Variants in NUAK2 observed in about 807,000 individuals in gnomAD.
The protein encoded by NUAK2 is NUAK family kinase 2.
NUAK2 carries 20 observed loss-of-function variants against 29.8 expected under a neutral mutation model. The observed-to-expected ratio is 0.67, with a 90% CI of 0.47 to 0.98. The LOEUF (loss-of-function observed/expected upper bound fraction) is 0.98. Ranked by LOEUF, NUAK2 falls within the 50% of genes least tolerant of loss-of-function variation. The pLI is 0.00. For missense variants in NUAK2, 719 were observed against 834.5 expected, an observed-to-expected ratio of 0.86 and a Z score of 1.71; for synonymous variants, 331 against 342.6, an observed-to-expected ratio of 0.97 and a Z score of 0.37.
rs765029026 is a variant in NUAK2, at chr1:205,304,584, G to C, written c.824-71C>G. The C allele has an allele frequency of 7.8e-7, 1 of 1,279,988 alleles. No individual in the cohort carries two copies. Among genetic ancestry groups the C allele is most frequent in the Non-Finnish European group, 1.1e-6 (1 of 944,172 alleles). The allele number at this position is 1,279,988 out of a possible 1,614,324, so 79.3% of individuals were successfully genotyped here. On this transcript the variant is annotated intron_variant, in intron 6 of 6. Transcript: ENST00000367157. The surrounding 1 kb of genome is among the most constrained non-coding windows in gnomAD (Gnocchi z 6.5). Reference sequence around the variant, plus strand: ...AGGCACTCCCTGTCCCCTGTCCCCAGCTCATCCCCTTTTGAGCTATGACAC... The same window carrying C: ...AGGCACTCCCTGTCCCCTGTCCCCACCTCATCCCCTTTTGAGCTATGACAC...
chr1:205,315,445 G>A (rs979376839), intron 1 of NUAK2, among the ~76,000 whole-genome samples: 1 of 152,196 alleles, frequency 6.6e-6, no homozygotes, highest in African/African-American at 2.4e-5. Flanking sequence ...ACTGAGATGG[G>A]AGCAGTGCTC....
In NUAK2 at chr1:205,308,170, T is replaced by C. The variant is rs150528650; in HGVS notation, c.565A>G (p.Ile189Val). The C allele has an allele frequency of 5.6e-6, 9 of 1,602,546 alleles. No homozygotes were observed. Among genetic ancestry groups the C allele is most frequent in the Non-Finnish European group, 7.7e-6 (9 of 1,172,736 alleles). Residue 189 changes from isoleucine (I) to valine (V), a missense_variant, in exon 4 of 7, where the codon ATC becomes GTC. By Grantham distance (29) the Ile-to-Val change is conservative (BLOSUM62 3). This residue lies in a region of NUAK2 where 283 missense variants were observed against 345.6 expected (regional missense o/e 0.82). Transcript: ENST00000367157. The surrounding 1 kb of genome is among the most constrained non-coding windows in gnomAD (Gnocchi z 4.1). ...ENILLDANGN[I>V]KIADFGLSNL... ...AAATAAGAAGTGGGACTCACCTTGATATTCCCATTGGCATCCAAGAGGATG... is the reference window on the plus strand; with the variant it reads ...AAATAAGAAGTGGGACTCACCTTGACATTCCCATTGGCATCCAAGAGGATG...
chr1:205,315,817 G>A (rs1423104486), intron 1 of NUAK2, among the ~76,000 whole-genome samples: 1 of 152,004 alleles, frequency 6.6e-6, no homozygotes, highest in Non-Finnish European at 1.5e-5. Context: ...AAGTTGCAGT[G>A]AGCTGAGATT....
At chr1:205,314,079 G>C (rs1186031974) in intron 1 of NUAK2, among the ~76,000 whole-genome samples, 2 of 152,224 alleles carry the variant, frequency 1.3e-5, no homozygotes, top group Non-Finnish European at 2.9e-5. Context: ...GCTTGCAGGG[G>C]CAGCAGGCCC....
At chr1:205,315,139 G>A (rs1662309046) in intron 1 of NUAK2, among the ~76,000 whole-genome samples, 1 of 152,176 alleles carries the variant, frequency 6.6e-6, no homozygotes, top group South Asian at 2.1e-4. Flanking sequence ...AGTACGGCTG[G>A]CACTTTCCAG....
intron 1 of NUAK2, among the ~76,000 whole-genome samples, chr1:205,319,924 T>TACACACACACAC (rs377521023): frequency 8.9e-5 from 7 of 78,502 alleles, no homozygotes; most frequent in African/African-American, 3.2e-4. Context: ...GGGCAAACCA[T>TACACACACACAC]ACACACACAC....
chr1:205,308,624 T>C lies in NUAK2; in HGVS notation c.461A>G (p.His154Arg), dbSNP rs769248027. Residue 154 changes from histidine (H) to arginine (R), a missense_variant, in exon 3 of 7, where the codon CAT (histidine) becomes CGT (arginine). His to Arg is a conservative substitution (Grantham distance 29, BLOSUM62 0). Transcript: ENST00000367157. The surrounding 1 kb of genome is among the most constrained non-coding windows in gnomAD (Gnocchi z 4.1). ...GGCAGAGACGATCTGCCGGAAGAAA[T>C]GCCTAGCTTCGCGCTCACTGAGCTG... Reference protein sequence around the residue: ...RQQLSEREARHFFRQIVSAVH... With the variant: ...RQQLSEREARRFFRQIVSAVH... 3 of 1,614,034 alleles carry C rather than the reference T, an allele frequency of 1.9e-6. No homozygotes were observed. The highest frequency in any genetic ancestry group is 2.5e-6 in the Non-Finnish European group (3 of 1,180,004).
chr1:205,305,445 G>A lies in NUAK2; in HGVS notation c.691-114C>T, dbSNP rs921000514. ...GGACGACCCACCTCTCCTACCCAGG[G>A]GCCAAGACGGGGATGCTGCAGAAGG... On this transcript the variant is annotated intron_variant, in intron 5 of 6. Coordinates refer to ENST00000367157, the MANE Select transcript of NUAK2 (RefSeq NM_030952.3). 45 of 1,453,604 alleles carry A rather than the reference G, an allele frequency of 3.1e-5. No homozygotes were observed. The African/African-American group carries it at 5.0e-4, about 16-fold the overall frequency. 90.0% of individuals were successfully genotyped at this position (1,453,604 alleles called of 1,614,324 possible). A position where few individuals can be genotyped will look rare whatever the true frequency, so the allele number is the denominator to read the frequency against.
rs73085118 is a variant in NUAK2 at position 205,309,619 on chromosome 1, C to T, written c.353-887G>A. ...GGGATTACAGGCGTGAGCCACCGCG[C>T]CTGGCCACAGTTATGTTTATAATCA... On this transcript the variant is annotated intron_variant, in intron 2 of 6. Transcript: ENST00000367157. Among the ~76,000 whole-genome samples, 1,333 of 152,338 alleles carry T rather than the reference C, an allele frequency of 8.8e-3. 23 individuals are homozygous for T. The highest frequency in any genetic ancestry group is 0.031 in the African/African-American group (1,280 of 41,568).
In NUAK2 at chr1:205,304,912, G is replaced by A. The variant is rs1478699064; in HGVS notation, c.823+287C>T. On this transcript the variant is annotated intron_variant, in intron 6 of 6. Transcript: ENST00000367157. This position sits in a 1 kb window ranked among gnomAD's most constrained non-coding sequence, Gnocchi z 6.5. The stretch of plus-strand genomic sequence containing the variant: ...AGGACAAAAAGATTTCTGAAGATGA[G>A]AACAAAAGCAATAGGAAATGAGACA... 6.6e-6 allele frequency among the ~76,000 whole-genome samples: 1 copy of A among 152,156 alleles called. No individual in the cohort carries two copies. Among genetic ancestry groups the A allele is most frequent in the African/African-American group, 2.4e-5 (1 of 41,420 alleles).
chr1:205,308,793 G>A lies in NUAK2; in HGVS notation c.353-61C>T. ...CAGAGTGCACTGCTCTCCACTGGGGGTGACTCACTCCTCCCCGACCCCAGG... is the reference window on the plus strand; with the variant it reads ...CAGAGTGCACTGCTCTCCACTGGGGATGACTCACTCCTCCCCGACCCCAGG... On this transcript the variant is annotated intron_variant, in intron 2 of 6. Transcript: ENST00000367157. This position sits in a 1 kb window ranked among gnomAD's most constrained non-coding sequence, Gnocchi z 4.1. 1.9e-6 allele frequency: 3 copies of A among 1,582,914 alleles called. No individual in the cohort carries two copies. The highest frequency in any genetic ancestry group is 1.3e-5 in the African/African-American group (1 of 74,498).
chr1:205,317,552 A>T (rs1662346547), intron 1 of NUAK2, among the ~76,000 whole-genome samples: 3 of 152,190 alleles, frequency 2.0e-5, no homozygotes, highest in Admixed American at 2.0e-4. Flanking sequence ...GGGGAGCCTG[A>T]GCCACCTCCC....
In NUAK2 at chr1:205,308,755, C is replaced by T. The variant is rs2275867; in HGVS notation, c.353-23G>A. 0.028 allele frequency: 45,294 copies of T among 1,610,654 alleles called. 1,206 individuals carry two copies. Among genetic ancestry groups the T allele is most frequent in the East Asian group, 0.1 (4,524 of 44,782 alleles). On this transcript the variant is annotated intron_variant, in intron 2 of 6. Transcript: ENST00000367157. This position sits in a 1 kb window ranked among gnomAD's most constrained non-coding sequence, Gnocchi z 4.1. ...ACACTGGGCAGAGCAAGGCAAGGAA[C>T]GTCAGGCCCTCCCAGAGTGCACTGC...
intron 5 of NUAK2, among the ~76,000 whole-genome samples, chr1:205,305,944 C>T (rs1485931883): frequency 6.6e-6 from 1 of 152,150 alleles, no homozygotes; most frequent in Non-Finnish European, 1.5e-5. Flanking sequence ...GAACTCCTGA[C>T]CTCAAGTGAT....
Position 205,305,276 on chromosome 1 carries a change from G to A in NUAK2, c.746C>T (p.Pro249Leu). The change falls in exon 6 of 7, where the codon CCC (proline) becomes CTC (leucine). Residue 249 changes from proline to leucine, a missense_variant. Pro to Leu is a moderately conservative substitution (Grantham distance 98). Around this residue, in one of 3 missense-constraint regions of NUAK2, gnomAD observed 283 missense variants for 345.6 expected, o/e 0.82. Coordinates refer to ENST00000367157, the MANE Select transcript of NUAK2 (RefSeq NM_030952.3). ...GATCTTATGGTCATGCCCATCAAAGGGCATGGTGCCATGCACCAGGATGTA... is the reference window on the plus strand; with the variant it reads ...GATCTTATGGTCATGCCCATCAAAGAGCATGGTGCCATGCACCAGGATGTA... ...LLYILVHGTMPFDGHDHKILV... is the reference protein window; with the variant it reads ...LLYILVHGTMLFDGHDHKILV... 1 of 1,614,176 alleles carries A rather than the reference G, an allele frequency of 6.2e-7. No homozygotes were observed. The highest frequency in any genetic ancestry group is 8.5e-7 in the Non-Finnish European group (1 of 1,180,000).
chr1:205,308,822 C>T lies in NUAK2; in HGVS notation c.353-90G>A. On this transcript the variant is annotated intron_variant, in intron 2 of 6. Coordinates refer to ENST00000367157, the MANE Select transcript of NUAK2 (RefSeq NM_030952.3). The surrounding 1 kb of genome is among the most constrained non-coding windows in gnomAD (Gnocchi z 4.1). ...CTCACTCCTCCCCGACCCCAGGCCC[C>T]AAACCAGACAGGACCCCCCTCCAGG... 1.4e-6 allele frequency: 2 copies of T among 1,452,884 alleles called. No homozygotes were observed. Among genetic ancestry groups the T allele is most frequent in the South Asian group, 1.2e-5 (1 of 84,144 alleles). The allele number at this position is 1,452,884 out of a possible 1,614,324, so 90.0% of individuals were successfully genotyped here.
Position 205,303,818 on chromosome 1 carries a change from T to C in NUAK2, c.1519A>G (p.Lys507Glu). The C allele has an allele frequency of 6.3e-7, 1 of 1,596,616 alleles. No individual in the cohort carries two copies. The highest frequency in any genetic ancestry group is 2.2e-5 in the East Asian group (1 of 44,712). ...HRKGILKLNG[K>E]FSQTALELAA... ...AGCTCCAAGGCTGTCTGGGAGAACT[T>C]GCCATTGAGTTTGAGGATGCCTTTG... The change falls in exon 7 of 7, where the codon AAG (lysine) becomes GAG (glutamate). Residue 507 changes from lysine to glutamate, a missense_variant. Lys to Glu is a moderately conservative substitution (Grantham distance 56, BLOSUM62 1). Transcript: ENST00000367157.
At position 205,308,548 on chromosome 1, in the gene NUAK2, C is replaced by T. The variant is rs745398262; in HGVS notation, c.504+33G>A. 6.2e-7 allele frequency: 1 copy of T among 1,601,418 alleles called. No individual in the cohort carries two copies. Among genetic ancestry groups the T allele is most frequent in the African/African-American group, 1.3e-5 (1 of 74,702 alleles). ...GCCCTAGAGCCCTGGGGACCACCCA[C>T]TGAGAATATGGCTGGAGCAGGTAGG... On this transcript the variant is annotated intron_variant, in intron 3 of 6. Transcript: ENST00000367157. The surrounding 1 kb of genome is among the most constrained non-coding windows in gnomAD (Gnocchi z 4.1).
At chr1:205,306,373 C>T (rs1326716289) in intron 4 of NUAK2, 66 bp from the exon 5 acceptor site, 8 of 1,550,326 alleles carry the variant, frequency 5.2e-6, no homozygotes, top group South Asian at 3.7e-5. Flanking sequence ...CAGCTCTTGG[C>T]CCGCCCTTCT....
Sources: gnomAD v4.1 joint callset for allele counts (sites outside exome capture counted in the v4.1 genomes callset) on GRCh38, gnomAD v4.1.1 for gene constraint, gnomAD v4.1.1 regional missense constraint, Gnocchi (gnomAD v3.1) non-coding constraint, MANE v1.5 for transcripts, NCBI Gene and HGNC (gene_info 2026-07-23, HGNC 2026-07-21) for gene names.